TRERF1: variants seen among roughly 807,000 people sequenced by gnomAD.
TRERF1 encodes transcriptional regulating factor 1.
In TRERF1, 27 loss-of-function variants were observed where a neutral mutation model predicts 122.9. That is an observed-to-expected ratio of 0.22 (90% CI 0.16 to 0.30). TRERF1 has a LOEUF of 0.30. Ranked by LOEUF, TRERF1 falls within the 10% of genes least tolerant of loss-of-function variation. The pLI, the probability that TRERF1 is intolerant of heterozygous loss-of-function variation, is 1.00. For missense variants in TRERF1, 1,248 were observed against 1,560.3 expected (o/e 0.80, Z 3.37); for synonymous variants, 636 against 641.7 (o/e 0.99, Z 0.13).
chr6:42,422,466 C>T (rs1164618185), intron 2 of TRERF1, among the ~76,000 whole-genome samples: 3 of 142,892 alleles, frequency 2.1e-5, no homozygotes, highest in Admixed American at 7.3e-5. Context: ...TGCAGTGAGC[C>T]GAGATCGTGC....
chr6:42,446,690 G>A (rs1315769500), intron 2 of TRERF1, among the ~76,000 whole-genome samples: 1 of 152,166 alleles, frequency 6.6e-6, no homozygotes, highest in Non-Finnish European at 1.5e-5. Flanking sequence ...AACCAGGGCT[G>A]CTTATGGCAT....
intron 4 of TRERF1, among the ~76,000 whole-genome samples, chr6:42,295,826 C>G (rs1316691784): frequency 6.6e-6 from 1 of 152,038 alleles, no homozygotes; most frequent in Non-Finnish European, 1.5e-5. Context: ...ATACAAAGCC[C>G]AGAGTCACTA....
intron 2 of TRERF1, among the ~76,000 whole-genome samples, chr6:42,450,849 G>A (rs1353966858): frequency 6.6e-6 from 1 of 152,152 alleles, no homozygotes; most frequent in Non-Finnish European, 1.5e-5. Flanking sequence ...AACCCCAAAA[G>A]GCAGAGTCCT....
Position 42,269,455 on chromosome 6 carries a change from C to G in TRERF1, c.136G>C (p.Asp46His). 6.2e-7 allele frequency: 1 copy of G among 1,614,200 alleles called. No individual in the cohort carries two copies. Among genetic ancestry groups the G allele is most frequent in the Non-Finnish European group, 8.5e-7 (1 of 1,180,042 alleles). Residue 46 changes from aspartate to histidine, a missense_variant, in exon 5 of 18, where the codon GAT (aspartate) becomes CAT (histidine). Asp to His is a moderately conservative substitution (Grantham distance 81, BLOSUM62 -1). Coordinates refer to ENST00000372922, the Ensembl canonical transcript of TRERF1. This position sits in a 1 kb window ranked among gnomAD's most constrained non-coding sequence, Gnocchi z 4.9. The stretch of plus-strand genomic sequence containing the variant: ...GAGATTGGCGAGGCCTGAGGGGCAT[C>G]CATTCCGCCCCCTGTAACTGCATTC...
At chr6:42,261,137 A>G (rs1777783234) in intron 8 of TRERF1, among the ~76,000 whole-genome samples, 1 of 151,812 alleles carries the variant, frequency 6.6e-6, no homozygotes, top group Non-Finnish European at 1.5e-5. Context: ...GGCTGAGGCG[A>G]GAGAGGGGCT....
intron 3 of TRERF1, among the ~76,000 whole-genome samples, chr6:42,361,360 C>T (rs1038376472): frequency 3.3e-5 from 5 of 152,174 alleles, no homozygotes; most frequent in Non-Finnish European, 5.9e-5. Flanking sequence ...AAACAGACTA[C>T]GATGTGTGTG....
intron 2 of TRERF1, among the ~76,000 whole-genome samples, chr6:42,427,319 G>A (rs1206502939): frequency 6.6e-6 from 1 of 152,108 alleles, no homozygotes; most frequent in Admixed American, 6.5e-5. Context: ...ATTCAATGAT[G>A]CAATCATAGC....
Position 42,379,669 on chromosome 6 carries a change from C to T in TRERF1, c.-453-16590G>A, listed in dbSNP as rs189691943. ...CCTCAGCCTCCCAAGCAGCTGGGAC[C>T]ACAGGCGTGTGCTACCACACTTGGA... On this transcript the variant is annotated intron_variant, in intron 2 of 17. Coordinates refer to ENST00000372922, the Ensembl canonical transcript of TRERF1. 2.8e-4 allele frequency among the ~76,000 whole-genome samples: 42 copies of T among 152,214 alleles called. No homozygotes were observed. The East Asian group carries it at 7.6e-3, about 27-fold the overall frequency.
In TRERF1 at chr6:42,393,015, C is replaced by T. The variant is rs986468653; in HGVS notation, c.-453-29936G>A. On this transcript the variant is annotated intron_variant, in intron 2 of 17. Transcript: ENST00000372922. The surrounding 1 kb of genome is among the most constrained non-coding windows in gnomAD (Gnocchi z 4.1). ...CCACTATGGCGTTTCAAGCTGCCGA[C>T]GCGAGGGCCACTGGACATGGAGTTG... is the stretch of plus-strand genomic sequence containing the variant. Among the ~76,000 whole-genome samples the T allele has an allele frequency of 6.6e-6, 1 of 151,982 alleles. No individual in the cohort carries two copies. Among genetic ancestry groups the T allele is most frequent in the South Asian group, 2.1e-4 (1 of 4,828 alleles).
intron 2 of TRERF1, among the ~76,000 whole-genome samples, chr6:42,424,080 T>G (rs1783250095): frequency 6.6e-6 from 1 of 152,256 alleles, no homozygotes; most frequent in African/African-American, 2.4e-5. Flanking sequence ...ATTTTGCTGC[T>G]GTATAACAAT....
At chr6:42,426,699 G>A (rs554677600) in intron 2 of TRERF1, among the ~76,000 whole-genome samples, 4 of 152,294 alleles carry the variant, frequency 2.6e-5, no homozygotes, top group African/African-American at 7.2e-5. Flanking sequence ...AGTATGATTG[G>A]AACGCAGACA....
At chr6:42,251,618 A>T (rs1406944855) in intron 13 of TRERF1, among the ~76,000 whole-genome samples, 2 of 152,110 alleles carry the variant, frequency 1.3e-5, no homozygotes, top group East Asian at 3.9e-4. Flanking sequence ...CTGTCTAGAG[A>T]CATAGGCTAA....
exon 7 of TRERF1, chr6:42,264,756 T>C (rs1191217311): frequency 1.2e-6 from 2 of 1,614,218 alleles, no homozygotes; most frequent in South Asian, 2.2e-5. Context: ...CATGTGGCCA[T>C]TCAGGGCAGG....
intron 15 of TRERF1, among the ~76,000 whole-genome samples, chr6:42,240,908 T>C (rs1011361714): frequency 4.6e-5 from 7 of 152,156 alleles, no homozygotes; most frequent in Non-Finnish European, 4.4e-5. Flanking sequence ...TGTTTTTTTT[T>C]CTGAGATGTA....
rs972877966 is a variant in TRERF1 at position 42,276,963 on chromosome 6, C to A, written c.-258-7115G>T. Among the ~76,000 whole-genome samples the A allele has an allele frequency of 6.6e-6, 1 of 152,194 alleles. No homozygotes were observed. The highest frequency in any genetic ancestry group is 1.5e-5 in the Non-Finnish European group (1 of 68,044). ...ATTTTGCTTCCTGCAGGTGGCTCCT[C>A]ATTAGGAAATAGAGATTGGACCGAT... On this transcript the variant is annotated intron_variant, in intron 4 of 17. Transcript: ENST00000372922. The surrounding 1 kb of genome is among the most constrained non-coding windows in gnomAD (Gnocchi z 4.3).
chr6:42,282,938 C>A (rs1782548381), intron 4 of TRERF1, among the ~76,000 whole-genome samples: 1 of 152,116 alleles, frequency 6.6e-6, no homozygotes, highest in Admixed American at 6.5e-5. Flanking sequence ...TCTTATTTAA[C>A]ATCTATTTTT....
chr6:42,285,173 A>T (rs1782978986), intron 4 of TRERF1, among the ~76,000 whole-genome samples: 1 of 152,114 alleles, frequency 6.6e-6, no homozygotes, highest in South Asian at 2.1e-4. Context: ...AGTGGTTTGT[A>T]GTTCTCCTTG....
At chr6:42,390,840 G>C (rs539244684) in intron 2 of TRERF1, among the ~76,000 whole-genome samples, 1 of 152,120 alleles carries the variant, frequency 6.6e-6, no homozygotes, top group South Asian at 2.1e-4. Context: ...TGGGGGCAAG[G>C]GGAAAAAACA....
intron 4 of TRERF1, among the ~76,000 whole-genome samples, chr6:42,273,028 C>G (rs1177224126): frequency 6.6e-6 from 1 of 152,108 alleles, no homozygotes; most frequent in South Asian, 2.1e-4. Context: ...ACATGATGCC[C>G]CCTCACCATT....
Sources: gnomAD v4.1 joint callset for allele counts (sites outside exome capture counted in the v4.1 genomes callset) on GRCh38, gnomAD v4.1.1 for gene constraint, Gnocchi (gnomAD v3.1) non-coding constraint, MANE v1.5 for transcripts, NCBI Gene and HGNC (gene_info 2026-07-23, HGNC 2026-07-21) for gene names.